VWA5B1: variants seen among roughly 807,000 people sequenced by gnomAD.
VWA5B1 encodes von Willebrand factor A domain-containing protein 5B1.
In VWA5B1, 115 loss-of-function variants were observed where a neutral mutation model predicts 118.2. The ratio of observed to expected loss-of-function variants is 0.97; its 90% confidence interval spans 0.84 to 1.14. VWA5B1 has a LOEUF of 1.14. Ranked by LOEUF, VWA5B1 falls within the 50% of genes most tolerant of loss-of-function variation. The probability of loss-of-function intolerance (pLI) is 0.00; values close to 1 mark genes in which losing one functional copy is unlikely to be tolerated. For missense variants in VWA5B1, 1,596 were observed against 1,603.8 expected (o/e 1.00, Z 0.08); for synonymous variants, 682 against 658.4 (o/e 1.04, Z -0.55).
chr1:20,309,971 TG>T lies in VWA5B1; in HGVS notation c.-26-599del, dbSNP rs556088864. On this transcript the variant is annotated intron_variant, in intron 1 of 21. Transcript: ENST00000289815. ...TGTGTGTGTGTTGCGGGCGTGGGGG[TG>T]GGGGGTGGTGAGAAGGAGGTGCAGG... Among the ~76,000 whole-genome samples, 6 of 61,450 alleles carry T rather than the reference TG, an allele frequency of 9.8e-5. No individual in the cohort carries two copies. The East Asian group carries it at 1.8e-3, about 19-fold the overall frequency. The allele number at this position is 61,450 out of a possible 152,430, so 40.3% of individuals were successfully genotyped here.
At chr1:20,351,020 G>A in intron 20 of VWA5B1, 94 bp downstream of exon 20, 3 of 1,248,442 alleles carry the variant, frequency 2.4e-6, no homozygotes, top group African/African-American at 3.0e-5. Flanking sequence ...GCCAAAGACA[G>A]GTTCAGCCTG....
Position 20,318,595 on chromosome 1 carries a change from G to A in VWA5B1, c.715G>A (p.Glu239Lys). 1 of 1,551,382 alleles carries A rather than the reference G, an allele frequency of 6.4e-7. No homozygotes were observed. Residue 239 changes from glutamate to lysine, a missense_variant, in exon 6 of 22, where the codon GAG becomes AAG. By Grantham distance (56) the Glu-to-Lys change is moderately conservative. Transcript: ENST00000289815. ...IRGPCLLAGVESPTHEIRADA... is the reference protein window; with the variant it reads ...IRGPCLLAGVKSPTHEIRADA... ...TGCCTTTCTATGCCACTCAGGGGTG[G>A]AGAGTCCCACTCATGAGATTCGTGC... is the stretch of plus-strand genomic sequence containing the variant.
At chr1:20,318,458 C>A in intron 5 of VWA5B1, 132 bp from the exon 6 acceptor site, 1 of 1,314,600 alleles carries the variant, frequency 7.6e-7, no homozygotes, top group Non-Finnish European at 1.1e-6. Flanking sequence ...CATGGTCACA[C>A]TGCAGGTCAG....
chr1:20,297,400 T>C (rs919611851), intron 1 of VWA5B1, among the ~76,000 whole-genome samples: 2 of 152,200 alleles, frequency 1.3e-5, no homozygotes, highest in Admixed American at 1.3e-4. Flanking sequence ...CTTTGAAAGC[T>C]TCCACCTGGA....
rs2090188691 is a variant in VWA5B1, at chr1:20,354,210, T to A, written c.3595T>A (p.Trp1199Arg). ...CCAGCTGTTTGTGCTTCTGCGGCAC[T>A]GGGATGAGAATCTCGAGTTCAATAT... ...ARQLFVLLRHWDENLEFNMLC... is the reference protein window; with the variant it reads ...ARQLFVLLRHRDENLEFNMLC... Residue 1199 changes from tryptophan to arginine, a missense_variant, in exon 22 of 22, where the codon TGG becomes AGG. Transcript: ENST00000289815. 9 of 1,550,346 alleles carry A rather than the reference T, an allele frequency of 5.8e-6. No homozygotes were observed. Among genetic ancestry groups the A allele is most frequent in the Non-Finnish European group, 7.0e-6 (8 of 1,146,872 alleles).
At chr1:20,348,388 C>T (rs2090053011) in intron 18 of VWA5B1, 30 bp downstream of exon 18, 1 of 1,549,610 alleles carries the variant, frequency 6.5e-7, no homozygotes, top group Non-Finnish European at 8.7e-7. Flanking sequence ...TAAGAGCCAC[C>T]CTGGGCACTT....
At chr1:20,291,387 T>TCTCTCTCTCTCTCTCTCTCTCTCTCTCTA (rs57894456) in intron 1 of VWA5B1, among the ~76,000 whole-genome samples, 31 of 114,220 alleles carry the variant, frequency 2.7e-4, no homozygotes, top group African/African-American at 1.3e-3. Flanking sequence ...CTCTCTCTCT[T>TCTCTCTCTCTCTCTCTCTCTCTCTCTCTA]TCTGTCTCCT....
At chr1:20,299,466 C>A (rs544255219) in intron 1 of VWA5B1, among the ~76,000 whole-genome samples, 3 of 152,306 alleles carry the variant, frequency 2.0e-5, no homozygotes, top group East Asian at 1.9e-4. Flanking sequence ...TGCAGTAGTG[C>A]GATCTTAGCT....
chr1:20,321,768 T>C (rs944880952), intron 7 of VWA5B1, among the ~76,000 whole-genome samples: 2 of 151,826 alleles, frequency 1.3e-5, no homozygotes, highest in Admixed American at 1.3e-4. Context: ...GCACAGGGGA[T>C]GGAAGAGCAG....
chr1:20,313,893 C>T (rs1317443490), intron 3 of VWA5B1, among the ~76,000 whole-genome samples: 17 of 152,156 alleles, frequency 1.1e-4, no homozygotes, highest in Admixed American at 1.0e-3. Context: ...GATCAGGGAC[C>T]AAGGAGGTGT....
intron 7 of VWA5B1, among the ~76,000 whole-genome samples, chr1:20,320,510 T>C (rs954456590): frequency 1.3e-5 from 2 of 152,196 alleles, no homozygotes; most frequent in South Asian, 2.1e-4. Context: ...AGAGGTCCCA[T>C]TGAGCTCTGA....
chr1:20,321,274 G>T (rs185337277), intron 7 of VWA5B1, among the ~76,000 whole-genome samples: 2 of 152,282 alleles, frequency 1.3e-5, no homozygotes, highest in African/African-American at 4.8e-5. Context: ...TATATTCTGG[G>T]ATGGAAAGAC....
At position 20,326,910 on chromosome 1, in the gene VWA5B1, A is replaced by G. The variant is rs188581065; in HGVS notation, c.1144-980A>G. Among the ~76,000 whole-genome samples, 16 of 152,280 alleles carry G rather than the reference A, an allele frequency of 1.1e-4. No individual in the cohort carries two copies. The East Asian group carries it at 2.9e-3, about 28-fold the overall frequency. ...AATGATAACCATTTGCTGAATGTTT[A>G]CTATGCACCTAGCTGAGGCTCAGAG... On this transcript the variant is annotated intron_variant, in intron 8 of 21. Coordinates refer to ENST00000289815, the MANE Select transcript of VWA5B1 (RefSeq NM_001039500.3).
At position 20,357,528 on chromosome 1, in the gene VWA5B1, TC is replaced by T. The variant is rs1230288090; in HGVS notation, c.*3266del. Among the ~76,000 whole-genome samples the T allele has an allele frequency of 6.6e-6, 1 of 152,198 alleles. No individual in the cohort carries two copies. Among genetic ancestry groups the T allele is most frequent in the East Asian group, 1.9e-4 (1 of 5,190 alleles). ...AGGTCGCAAAATGCTGGTCTAGATC[TC>T]TCTTAGGGCTCCTGCGGCACTGGCG... On this transcript the variant is annotated 3_prime_UTR_variant, in exon 22 of 22. Coordinates refer to ENST00000289815, the MANE Select transcript of VWA5B1 (RefSeq NM_001039500.3).
At chr1:20,353,453 G>C (rs2090168922) in intron 21 of VWA5B1, among the ~76,000 whole-genome samples, 2 of 152,200 alleles carry the variant, frequency 1.3e-5, no homozygotes, top group Non-Finnish European at 2.9e-5. Context: ...TACACAGGGA[G>C]AAAGAGGAAG....
chr1:20,338,823 C>T (rs997074836), intron 14 of VWA5B1: 1 of 152,232 alleles, frequency 6.6e-6, no homozygotes, highest in Non-Finnish European at 1.5e-5. Context: ...GGCCACCACG[C>T]CTGGCCTGAT....
intron 2 of VWA5B1, among the ~76,000 whole-genome samples, chr1:20,311,225 G>A (rs926153646): frequency 1.3e-4 from 20 of 152,074 alleles, no homozygotes; most frequent in African/African-American, 4.8e-4. Context: ...CACCCACCTC[G>A]GCCTCCCGAA....
chr1:20,340,360 A>C (rs2089844228), intron 14 of VWA5B1, among the ~76,000 whole-genome samples: 2 of 152,106 alleles, frequency 1.3e-5, no homozygotes, highest in South Asian at 4.1e-4. Flanking sequence ...TTGGGCAAGG[A>C]GCAGAGGGTA....
chr1:20,337,665 A>G lies in VWA5B1; in HGVS notation c.1962A>G (p.Arg654=), dbSNP rs1457848409. Residue 654 remains arginine (R), a synonymous_variant, in exon 14 of 22, where the codon CGA becomes CGG. Transcript: ENST00000289815. The part of the protein sequence containing the change: ...TTKHDLNLSQ[R]RRAYSTNQIT... ...GTCCAGATCTGAACCTCTCTCAGCGACGGAGGGCATACAGCACCAACCAGA... is the reference window on the plus strand; with the variant it reads ...GTCCAGATCTGAACCTCTCTCAGCGGCGGAGGGCATACAGCACCAACCAGA... 10 of 1,551,432 alleles carry G rather than the reference A, an allele frequency of 6.4e-6. No homozygotes were observed. Among genetic ancestry groups the G allele is most frequent in the Non-Finnish European group, 8.7e-6 (10 of 1,146,854 alleles).
Sources: allele counts gnomAD v4.1 joint callset (sites outside exome capture counted in the v4.1 genomes callset), GRCh38; gene constraint gnomAD v4.1.1; transcripts MANE v1.5; gene names NCBI Gene and HGNC (gene_info 2026-07-23, HGNC 2026-07-21).